The following CPXM1 variants were observed in gnomAD, a reference collection of about 807,000 sequenced individuals.
The protein encoded by CPXM1 is probable carboxypeptidase X1.
Under a neutral mutation model 80.4 loss-of-function variants are expected in CPXM1, and 72 were observed. The observed-to-expected ratio is 0.90, with a 90% confidence interval of 0.74 to 1.09. CPXM1 has a LOEUF of 1.09. CPXM1 is among the 50% of genes least tolerant of loss of function. CPXM1 has a pLI of 0.00. For synonymous variants in CPXM1, 403 were observed against 405.6 expected (o/e 0.99, Z 0.08); for missense variants, 892 against 999.4 (o/e 0.89, Z 1.45).
At chr20:2,797,447 G>A in intron 5 of CPXM1, 105 bp from the exon 6 acceptor site, 3 of 1,275,176 alleles carry the variant, frequency 2.4e-6, no homozygotes, top group Non-Finnish European at 3.1e-6. Flanking sequence ...CCCCACCCTA[G>A]TGGGCTCAGC....
At position 2,798,846 on chromosome 20, in the gene CPXM1, CCT is replaced by C. The variant is rs758029241; in HGVS notation, c.218_219del (p.Lys73SerfsTer36). 6.2e-7 allele frequency: 1 copy of C among 1,614,104 alleles called. No individual in the cohort carries two copies. The highest frequency in any genetic ancestry group is 8.5e-7 in the Non-Finnish European group (1 of 1,179,998). On this transcript the variant is annotated frameshift_variant, in exon 2 of 14. Coordinates refer to ENST00000380605, the MANE Select transcript of CPXM1 (RefSeq NM_019609.5). LOFTEE classifies it high-confidence loss of function. Reference sequence around the variant, plus strand: ...AGCTTCTTCCGCTTCTTCATAATGACCTTTTTCTTCTTGATGACTCGAATCCG... The same window carrying C: ...AGCTTCTTCCGCTTCTTCATAATGACTTTTCTTCTTGATGACTCGAATCCG... ...HVRIRVIKKKKVIMKKRKKLT... is the reference protein window; with the variant it reads ...HVRIRVIKKKXVIMKKRKKLT...
chr20:2,796,354 G>C lies in CPXM1; in HGVS notation c.1135C>G (p.His379Asp). The C allele has an allele frequency of 6.2e-7, 1 of 1,614,112 alleles. No individual in the cohort carries two copies. Among genetic ancestry groups the C allele is most frequent in the South Asian group, 1.1e-5 (1 of 91,092 alleles). The change falls in exon 9 of 14, where the codon CAT (histidine) becomes GAT (aspartate). Residue 379 changes from histidine (H) to aspartate (D), a missense_variant. By Grantham distance (81) the His-to-Asp change is moderately conservative. This residue lies in a region of CPXM1 where 874 missense variants were observed against 958.4 expected (regional missense o/e 0.91). Transcript: ENST00000380605. The surrounding 1 kb of genome is among the most constrained non-coding windows in gnomAD (Gnocchi z 6.8). The stretch of plus-strand genomic sequence containing the variant: ...CGTGGGTTCCCTCGCAGGAACTCAT[G>C]GCACAGGAACTGCATCAGGAGCAGA... ...LLLLLMQFLC[H>D]EFLRGNPRVT...
chr20:2,795,436 T>C lies in CPXM1; in HGVS notation c.1721-20A>G, dbSNP rs1177478589. 2 of 1,611,350 alleles carry C rather than the reference T, an allele frequency of 1.2e-6. No homozygotes were observed. Among genetic ancestry groups the C allele is most frequent in the African/African-American group, 1.3e-5 (1 of 74,988 alleles). The stretch of plus-strand genomic sequence containing the variant: ...TCATGCCTAAGGGGACCACAGACAC[T>C]GCTGCCTAAGCAGGCGGGATGCGGT... On this transcript the variant is annotated intron_variant, in intron 11 of 13. Coordinates refer to ENST00000380605, the MANE Select transcript of CPXM1 (RefSeq NM_019609.5). The surrounding 1 kb of genome is among the most constrained non-coding windows in gnomAD (Gnocchi z 5.4).
At chr20:2,798,993 C>T in intron 1 of CPXM1, 100 bp from the exon 2 acceptor site, 1 of 1,217,572 alleles carries the variant, frequency 8.2e-7, no homozygotes, top group East Asian at 2.3e-5. Context: ...CCACAGCAGG[C>T]CACACCACCA....
At position 2,796,234 on chromosome 20, in the gene CPXM1, C is replaced by G; in HGVS notation, c.1242+13G>C. The G allele has an allele frequency of 6.2e-7, 1 of 1,612,472 alleles. No individual in the cohort carries two copies. The highest frequency in any genetic ancestry group is 8.5e-7 in the Non-Finnish European group (1 of 1,179,006). On this transcript the variant is annotated intron_variant, in intron 9 of 13. Coordinates refer to ENST00000380605, the MANE Select transcript of CPXM1 (RefSeq NM_019609.5). The surrounding 1 kb of genome is among the most constrained non-coding windows in gnomAD (Gnocchi z 6.8). ...GCAGAAGGACAGAGTGGCCCTCATG[C>G]TGGGTGGCCTACCCGGTGGTAGGCG...
chr20:2,800,213 G>C (rs767867145), intron 1 of CPXM1, among the ~76,000 whole-genome samples, 188 bp downstream of exon 1: 3 of 151,556 alleles, frequency 2.0e-5, no homozygotes, highest in Non-Finnish European at 4.4e-5. Flanking sequence ...GTGTGCGCGT[G>C]TGTGAATGTG....
Position 2,796,933 on chromosome 20 carries a change from C to T in CPXM1, c.921+73G>A. 7.1e-7 allele frequency: 1 copy of T among 1,403,418 alleles called. No homozygotes were observed. The highest frequency in any genetic ancestry group is 1.0e-6 in the Non-Finnish European group (1 of 995,914). The allele number at this position is 1,403,418 out of a possible 1,614,324, so 86.9% of individuals were successfully genotyped here. On this transcript the variant is annotated intron_variant, in intron 7 of 13. Transcript: ENST00000380605. The surrounding 1 kb of genome is among the most constrained non-coding windows in gnomAD (Gnocchi z 6.8). ...CAAGCGCAGTCACAGCAGGTTGTGCCCCGGTGGGAAGGTGGGAAGGGGACC... is the reference window on the plus strand; with the variant it reads ...CAAGCGCAGTCACAGCAGGTTGTGCTCCGGTGGGAAGGTGGGAAGGGGACC...
At position 2,797,312 on chromosome 20, in the gene CPXM1, G is replaced by T; in HGVS notation, c.712C>A (p.Pro238Thr). 1 of 1,540,890 alleles carries T rather than the reference G, an allele frequency of 6.5e-7. No individual in the cohort carries two copies. The highest frequency in any genetic ancestry group is 1.2e-5 in the South Asian group (1 of 82,944). ...VFPANSDPET[P>T]VLNLLPEPQV... ...GGCTCCGGCAGGAGGTTCAGCACTG[G>T]AGTTTCTGGGTCTGAATTGGCAGGA... is the stretch of plus-strand genomic sequence containing the variant. Residue 238 changes from proline (P) to threonine (T), a missense_variant, in exon 6 of 14, where the codon CCA becomes ACA. This residue lies in a region of CPXM1 where 874 missense variants were observed against 958.4 expected (regional missense o/e 0.91). Transcript: ENST00000380605.
chr20:2,794,301 G>A lies in CPXM1; in HGVS notation c.2094C>T (p.Phe698=), dbSNP rs766761505. Residue 698 remains phenylalanine, a synonymous_variant, in exon 14 of 14, where the codon TTC becomes TTT. Transcript: ENST00000380605. This position sits in a 1 kb window ranked among gnomAD's most constrained non-coding sequence, Gnocchi z 5.2. ...TCTGTTTGGGAGTCTTGGTGAGCAC[G>A]AAATTGCAGGGGAAGGGGCCCTCTT... ...TFEEGPFPCN[F]VLTKTPKQRL... The A allele has an allele frequency of 1.9e-5, 30 of 1,614,018 alleles. No individual in the cohort carries two copies. The highest frequency in any genetic ancestry group is 2.4e-5 in the Non-Finnish European group (28 of 1,180,040).
chr20:2,797,893 GA>G, intron 5 of CPXM1, 74 bp downstream of exon 5: 1 of 1,350,710 alleles, frequency 7.4e-7, no homozygotes, highest in Non-Finnish European at 1.1e-6. Flanking sequence ...CTTGTCCTCA[GA>G]GGAGCCTCAG....
At position 2,796,711 on chromosome 20, in the gene CPXM1, C is replaced by T. The variant is rs1455525100; in HGVS notation, c.922-61G>A. 2 of 1,594,302 alleles carry T rather than the reference C, an allele frequency of 1.3e-6. No homozygotes were observed. Among genetic ancestry groups the T allele is most frequent in the Non-Finnish European group, 8.6e-7 (1 of 1,168,366 alleles). On this transcript the variant is annotated intron_variant, in intron 7 of 13. Coordinates refer to ENST00000380605, the MANE Select transcript of CPXM1 (RefSeq NM_019609.5). This position sits in a 1 kb window ranked among gnomAD's most constrained non-coding sequence, Gnocchi z 6.8. ...GAGGGGTACACCCAGGGGCAGATCA[C>T]ATGTGCCATGGAAAGACTTAAAAAG...
chr20:2,796,689 G>C lies in CPXM1; in HGVS notation c.922-39C>G, dbSNP rs767769814. The C allele has an allele frequency of 1.9e-6, 3 of 1,610,844 alleles. No individual in the cohort carries two copies. In the East Asian group the frequency reaches 6.7e-5, roughly 36 times the overall value. On this transcript the variant is annotated intron_variant, in intron 7 of 13. Coordinates refer to ENST00000380605, the MANE Select transcript of CPXM1 (RefSeq NM_019609.5). This position sits in a 1 kb window ranked among gnomAD's most constrained non-coding sequence, Gnocchi z 6.8. Reference sequence around the variant, plus strand: ...TGTAGCGTGGCATGAGGCATGGGAGGGGTACACCCAGGGGCAGATCACATG... The same window carrying C: ...TGTAGCGTGGCATGAGGCATGGGAGCGGTACACCCAGGGGCAGATCACATG...
chr20:2,794,609 C>T lies in CPXM1; in HGVS notation c.1891G>A (p.Asp631Asn). Residue 631 changes from aspartate (D) to asparagine (N), a missense_variant, in exon 13 of 14, where the codon GAC becomes AAC. Asp to Asn is a conservative substitution (Grantham distance 23). Around this residue, in one of 2 missense-constraint regions of CPXM1, gnomAD observed 874 missense variants for 958.4 expected, o/e 0.91. Transcript: ENST00000380605. The surrounding 1 kb of genome is among the most constrained non-coding windows in gnomAD (Gnocchi z 5.2). ...GCAATCCCAAGCTCCGTGTCCTTGT[C>T]CCTCACCACTCCTGCAATGCCCATG... ...VRMGIAGVVR[D>N]KDTELGIADA... The T allele has an allele frequency of 6.2e-7, 1 of 1,613,050 alleles. No homozygotes were observed. Among genetic ancestry groups the T allele is most frequent in the Non-Finnish European group, 8.5e-7 (1 of 1,179,986 alleles).
At position 2,797,244 on chromosome 20, in the gene CPXM1, G is replaced by T; in HGVS notation, c.780C>A (p.Leu260=). 6.4e-7 allele frequency: 1 copy of T among 1,571,526 alleles called. No individual in the cohort carries two copies. The highest frequency in any genetic ancestry group is 8.7e-7 in the Non-Finnish European group (1 of 1,155,424). Residue 260 remains leucine, a synonymous_variant, in exon 6 of 14, where the codon CTC becomes CTA. Transcript: ENST00000380605. ...RFIRLLPQTW[L]QGGAPCLRAE... is the part of the protein sequence containing the mutation. ...CCCGGAGGCAAGGCGCGCCTCCCTG[G>T]AGCCAGGTCTGGGGCAGCAGGCGAA...
rs1368931228 is a variant in CPXM1 at position 2,797,001 on chromosome 20, C to G, written c.921+5G>C. Reference sequence around the variant, plus strand: ...CCTTCCCAGGTCATAGGGGTTATATCTGACCTTCCTCATGGCCTTGTAATT... The same window carrying G: ...CCTTCCCAGGTCATAGGGGTTATATGTGACCTTCCTCATGGCCTTGTAATT... On this transcript the variant is annotated splice_donor_5th_base_variant and intron_variant, in intron 7 of 13. Transcript: ENST00000380605. 2 of 1,613,020 alleles carry G rather than the reference C, an allele frequency of 1.2e-6. No homozygotes were observed. Among genetic ancestry groups the G allele is most frequent in the Admixed American group, 3.3e-5 (2 of 59,990 alleles).
rs756804430 is a variant in CPXM1 at position 2,798,185 on chromosome 20, C to G, written c.557G>C (p.Gly186Ala). 6.2e-7 allele frequency: 1 copy of G among 1,614,050 alleles called. No individual in the cohort carries two copies. Among genetic ancestry groups the G allele is most frequent in the Non-Finnish European group, 8.5e-7 (1 of 1,180,028 alleles). ...AGAGTTCCTGCCCTGTGTGATAACACCCGAGAAGCGGGTGGGGTGCCCAGC... is the reference window on the plus strand; with the variant it reads ...AGAGTTCCTGCCCTGTGTGATAACAGCCGAGAAGCGGGTGGGGTGCCCAGC... ...VDAGHPTRFS[G>A]VITQGRNSVW... Residue 186 changes from glycine (G) to alanine (A), a missense_variant, in exon 4 of 14, where the codon GGT becomes GCT. Gly to Ala is a moderately conservative substitution (Grantham distance 60, BLOSUM62 0). Transcript: ENST00000380605.
At chr20:2,797,506 G>T (rs369142872) in intron 5 of CPXM1, among the ~76,000 whole-genome samples, 164 bp from the exon 6 acceptor site, 1 of 152,170 alleles carries the variant, frequency 6.6e-6, no homozygotes. Flanking sequence ...CACAGCCCCT[G>T]CCAATGGGCA....
At position 2,796,105 on chromosome 20, in the gene CPXM1, A is replaced by C. The variant is rs774862204; in HGVS notation, c.1299T>G (p.Leu433=). 26 of 1,613,796 alleles carry C rather than the reference A, an allele frequency of 1.6e-5. No individual in the cohort carries two copies. In the East Asian group the frequency reaches 5.3e-4, roughly 33 times the overall value. ...TGTTGAGGTCAGCAAAATTATGGTT[A>C]AGATCGATGCTCTGGTTGTTCCAGC... ...EGRWNNQSID[L]NHNFADLNTP... is the part of the protein sequence containing the mutation. The change falls in exon 10 of 14, where the codon CTT becomes CTG. Residue 433 remains leucine, a synonymous_variant. Coordinates refer to ENST00000380605, the MANE Select transcript of CPXM1 (RefSeq NM_019609.5). The surrounding 1 kb of genome is among the most constrained non-coding windows in gnomAD (Gnocchi z 6.8).
chr20:2,800,275 AGTGTGCATGACTGTGAGTGTGCGTGG>A, intron 1 of CPXM1, 100 bp downstream of exon 1: 1 of 817,590 alleles, frequency 1.2e-6, no homozygotes, highest in Non-Finnish European at 1.8e-6. Flanking sequence ...GTGCGGGGTG[AGTGTGCATGACTGTGAGTGTGCGTGG>A]GTGTGCGTGT....
Sources: gnomAD v4.1 joint callset for allele counts (sites outside exome capture counted in the v4.1 genomes callset) on GRCh38, gnomAD v4.1.1 for gene constraint, gnomAD v4.1.1 regional missense constraint, Gnocchi (gnomAD v3.1) non-coding constraint, MANE v1.5 for transcripts, NCBI Gene and HGNC (gene_info 2026-07-23, HGNC 2026-07-21) for gene names.